The following HORMAD2 variants were observed in gnomAD, a reference collection of about 807,000 sequenced individuals.
HORMAD2 encodes HORMA domain containing 2.
HORMAD2 carries 45 observed loss-of-function variants against 38.8 expected under a neutral mutation model. The ratio of observed to expected loss-of-function variants is 1.16; its 90% CI spans 0.91 to 1.49. The LOEUF (loss-of-function observed/expected upper bound fraction) is 1.49, where lower values mean the gene tolerates loss of function less well. Ranked by LOEUF, HORMAD2 falls within the 40% of genes most tolerant of loss-of-function variation. HORMAD2 has a pLI of 0.00. For synonymous variants in HORMAD2, 126 were observed against 122.8 expected (o/e 1.03, Z -0.17); for missense variants, 338 against 367.0 (o/e 0.92, Z 0.65).
At chr22:30,111,413 G>A (rs1287907836) in intron 5 of HORMAD2, among the ~76,000 whole-genome samples, 4 of 152,108 alleles carry the variant, frequency 2.6e-5, no homozygotes, top group Admixed American at 2.6e-4. Context: ...TTGAACCTGG[G>A]AGACAGATGT....
chr22:30,164,213 G>A (rs751653337), intron 10 of HORMAD2, among the ~76,000 whole-genome samples: 1 of 152,206 alleles, frequency 6.6e-6, no homozygotes, highest in South Asian at 2.1e-4. Flanking sequence ...TGGACAGGTG[G>A]GTTGCTTCTA....
intron 10 of HORMAD2, among the ~76,000 whole-genome samples, chr22:30,135,186 A>G (rs1046813556): frequency 6.6e-6 from 1 of 151,960 alleles, no homozygotes; most frequent in African/African-American, 2.4e-5. Flanking sequence ...AGAATGACCA[A>G]ATTCCACTTT....
intron 10 of HORMAD2, among the ~76,000 whole-genome samples, chr22:30,149,569 C>T (rs1473224042): frequency 6.6e-6 from 1 of 152,124 alleles, no homozygotes; most frequent in Non-Finnish European, 1.5e-5. Context: ...CACCTTTGAC[C>T]AAATCTGGAT....
chr22:30,119,070 A>G (rs762823907), intron 8 of HORMAD2, 23 bp downstream of exon 8: 1 of 1,491,060 alleles, frequency 6.7e-7, no homozygotes, highest in Non-Finnish European at 9.2e-7. Flanking sequence ...TGCTTAATGA[A>G]CATGAGAAAT....
chr22:30,183,124 G>A, the HORMAD2 span, among the ~76,000 whole-genome samples: 9 of 152,188 alleles, frequency 5.9e-5, no homozygotes, highest in Non-Finnish European at 1.2e-4. Context: ...AAATGGGAGT[G>A]AGCATGGGTA....
At chr22:30,111,296 G>A (rs942697609) in intron 5 of HORMAD2, among the ~76,000 whole-genome samples, 1 of 152,012 alleles carries the variant, frequency 6.6e-6, no homozygotes, top group Non-Finnish European at 1.5e-5. Context: ...GACCAGCCTA[G>A]CCAACATGGC....
chr22:30,079,290 GC>G (rs1250118242), upstream of HORMAD2, among the ~76,000 whole-genome samples: 6 of 152,252 alleles, frequency 3.9e-5, no homozygotes, highest in Non-Finnish European at 7.4e-5. Context: ...GATCCAAGGA[GC>G]CACACCCCCA....
the HORMAD2 span, among the ~76,000 whole-genome samples, chr22:30,191,222 T>C: frequency 6.6e-6 from 1 of 152,188 alleles, no homozygotes; most frequent in Admixed American, 6.5e-5. Flanking sequence ...GGAGAGTCAG[T>C]GCCTGGGTGG....
At position 30,130,849 on chromosome 22, in the gene HORMAD2, C is replaced by T. The variant is rs901526022; in HGVS notation, c.819+8635C>T. On this transcript the variant is annotated intron_variant, in intron 10 of 10. Coordinates refer to ENST00000336726, the MANE Select transcript of HORMAD2 (RefSeq NM_152510.4). ...CAAGCAACCCACCCGCCTCTGCCTC[C>T]GCCTCCCAAAGTGCTGGGATTACAG... is the stretch of plus-strand genomic sequence containing the variant. 8.6e-5 allele frequency among the ~76,000 whole-genome samples: 13 copies of T among 151,916 alleles called. No individual in the cohort carries two copies. In the East Asian group the frequency reaches 2.1e-3, roughly 25 times the overall value.
At chr22:30,159,962 A>C (rs1039747354) in intron 10 of HORMAD2, among the ~76,000 whole-genome samples, 2 of 152,106 alleles carry the variant, frequency 1.3e-5, no homozygotes, top group African/African-American at 4.8e-5. Context: ...GTGCACTCTG[A>C]AAAGAAGCTT....
At chr22:30,165,825 A>G (rs1268202887) in intron 10 of HORMAD2, among the ~76,000 whole-genome samples, 1 of 151,820 alleles carries the variant, frequency 6.6e-6, no homozygotes, top group Non-Finnish European at 1.5e-5. Flanking sequence ...TTTCTCTTCT[A>G]TTTCACTGAT....
chr22:30,109,679 T>C (rs897932080), intron 5 of HORMAD2, among the ~76,000 whole-genome samples: 1 of 152,326 alleles, frequency 6.6e-6, no homozygotes, highest in East Asian at 1.9e-4. Flanking sequence ...ATTATATTTC[T>C]ATCTCTATAT....
At chr22:30,092,939 T>C (rs1203941459) in intron 1 of HORMAD2, among the ~76,000 whole-genome samples, 1 of 152,220 alleles carries the variant, frequency 6.6e-6, no homozygotes, top group Non-Finnish European at 1.5e-5. Flanking sequence ...CCAACTTTGT[T>C]CTTTTTGCTC....
At chr22:30,111,400 C>T (rs1486060405) in intron 5 of HORMAD2, among the ~76,000 whole-genome samples, 5 of 152,094 alleles carry the variant, frequency 3.3e-5, no homozygotes, top group Non-Finnish European at 1.5e-5. Context: ...GCAGGGGAAT[C>T]CCTTGAACCT....
chr22:30,114,560 A>C (rs1377757021), intron 7 of HORMAD2, among the ~76,000 whole-genome samples: 1 of 152,226 alleles, frequency 6.6e-6, no homozygotes, highest in African/African-American at 2.4e-5. Flanking sequence ...CATTCATCTC[A>C]TATTGTGCCA....
the HORMAD2 span, among the ~76,000 whole-genome samples, chr22:30,202,181 G>C: frequency 6.6e-6 from 1 of 152,172 alleles, no homozygotes; most frequent in African/African-American, 2.4e-5. Flanking sequence ...GCAGGCACCA[G>C]GCCAGATGTT....
chr22:30,118,898 ATG>A, intron 7 of HORMAD2, 80 bp from the exon 8 acceptor site: 1 of 895,334 alleles, frequency 1.1e-6, no homozygotes, highest in East Asian at 2.7e-5. Flanking sequence ...TACAGTGAAA[ATG>A]TTCCTTACTT....
At chr22:30,163,249 A>G (rs1925563117) in intron 10 of HORMAD2, among the ~76,000 whole-genome samples, 1 of 147,394 alleles carries the variant, frequency 6.8e-6, no homozygotes, top group Non-Finnish European at 1.5e-5. Flanking sequence ...GTCCTTGAAC[A>G]TGACTCTTTG....
At chr22:30,165,513 C>A (rs1043996010) in intron 10 of HORMAD2, among the ~76,000 whole-genome samples, 1 of 152,134 alleles carries the variant, frequency 6.6e-6, no homozygotes, top group African/African-American at 2.4e-5. Context: ...ACATCTTAAC[C>A]ATATTGTCTT....
Sources: allele counts gnomAD v4.1 joint callset (sites outside exome capture counted in the v4.1 genomes callset), GRCh38; gene constraint gnomAD v4.1.1; transcripts MANE v1.5; gene names NCBI Gene and HGNC (gene_info 2026-07-23, HGNC 2026-07-21).